The following DNAH10 variants were observed in gnomAD, a reference collection of about 807,000 sequenced individuals.
DNAH10 encodes the protein dynein axonemal heavy chain 10.
In DNAH10, 348 loss-of-function variants were observed where a neutral mutation model predicts 506.6. That is an observed-to-expected ratio of 0.69 (90% CI 0.63 to 0.75). DNAH10 has a LOEUF of 0.75. Ranked by LOEUF, DNAH10 falls within the 30% of genes least tolerant of loss-of-function variation. The pLI is 0.00. For synonymous variants in DNAH10, 2,059 were observed against 2,198.6 expected (o/e 0.94, Z 1.78); for missense variants, 5,179 against 5,787.1 (o/e 0.89, Z 3.41).
In DNAH10 at chr12:123,876,719, C is replaced by T. The variant is rs1952270549; in HGVS notation, c.8200-1017C>T. On this transcript the variant is annotated intron_variant, in intron 47 of 78. Transcript: ENST00000673944. ...GGCTCACACCTGTATCCCAGCACTT[C>T]GGGAGGCTGAGGAGAGCGGATCACT... Among the ~76,000 whole-genome samples, 4 of 152,126 alleles carry T rather than the reference C, an allele frequency of 2.6e-5. No individual in the cohort carries two copies. In the South Asian group the frequency reaches 6.2e-4, roughly 24 times the overall value.
chr12:123,862,374 C>G (rs1459604916), intron 39 of DNAH10, among the ~76,000 whole-genome samples: 1 of 151,758 alleles, frequency 6.6e-6, no homozygotes, highest in Non-Finnish European at 1.5e-5. Context: ...CCTCCTCTTC[C>G]TCTTCTTGTT....
chr12:123,781,838 T>A (rs927038806), intron 6 of DNAH10, among the ~76,000 whole-genome samples: 1 of 152,158 alleles, frequency 6.6e-6, no homozygotes, highest in African/African-American at 2.4e-5. Context: ...AGAAACTGAA[T>A]GTTCTTCTAA....
In DNAH10 at chr12:123,840,394, GTTTTTTTTTTTT is replaced by G. The variant is rs71088961; in HGVS notation, c.5137-911_5137-900del. Reference sequence around the variant, plus strand: ...AGGCTTCTTCAGTATTCTGTTTCCAGTTTTTTTTTTTTTTTTTTTTTTTTTTTTCAGACAGGG... The same window carrying G: ...AGGCTTCTTCAGTATTCTGTTTCCAGTTTTTTTTTTTTTTTTCAGACAGGG... On this transcript the variant is annotated intron_variant, in intron 29 of 78. Coordinates refer to ENST00000673944, the MANE Select transcript of DNAH10 (RefSeq NM_001372106.1). 3.1e-3 allele frequency among the ~76,000 whole-genome samples: 118 copies of G among 37,792 alleles called. 1 individual carries two copies. In the East Asian group the frequency reaches 0.062, roughly 20 times the overall value. 24.8% of individuals were successfully genotyped at this position (37,792 alleles called of 152,430 possible).
intron 5 of DNAH10, among the ~76,000 whole-genome samples, chr12:123,778,158 A>C (rs1957511159): frequency 6.6e-6 from 1 of 151,956 alleles, no homozygotes; most frequent in Non-Finnish European, 1.5e-5. Flanking sequence ...CATGGTGGTC[A>C]TGCCACTGTA....
rs547817175 is a variant in DNAH10, at chr12:123,909,090, C to T, written c.9816-171C>T. ...GGGGACCCGGCCCTGCCCTTAGGGACGCTCCCGCCCAGGAGTGCGGTTTGT... is the reference window on the plus strand; with the variant it reads ...GGGGACCCGGCCCTGCCCTTAGGGATGCTCCCGCCCAGGAGTGCGGTTTGT... On this transcript the variant is annotated intron_variant, in intron 57 of 78. Transcript: ENST00000673944. The surrounding 1 kb of genome is among the most constrained non-coding windows in gnomAD (Gnocchi z 5.4). Among the ~76,000 whole-genome samples the T allele has an allele frequency of 2.0e-5, 3 of 152,262 alleles. No individual in the cohort carries two copies. Among genetic ancestry groups the T allele is most frequent in the South Asian group, 2.1e-4 (1 of 4,826 alleles).
Position 123,826,838 on chromosome 12 carries a change from A to G in DNAH10, c.4331A>G (p.Lys1444Arg). The G allele has an allele frequency of 6.2e-7, 1 of 1,614,030 alleles. No individual in the cohort carries two copies. The highest frequency in any genetic ancestry group is 8.5e-7 in the Non-Finnish European group (1 of 1,179,898). The change falls in exon 25 of 79, where the codon AAG (lysine) becomes AGG (arginine). Residue 1444 changes from lysine (K) to arginine (R), a missense_variant. Physicochemically the swap from Lys to Arg is conservative, Grantham distance 26. This residue lies in a region of DNAH10 where 4,844 missense variants were observed against 5,430.5 expected (regional missense o/e 0.89). Transcript: ENST00000673944. ...SVTYYLEAKM[K>R]AFKDSIPLLL... Reference sequence around the variant, plus strand: ...ACCTACTACTTGGAAGCAAAAATGAAGGCATTCAAAGACTCGATTCCTTTA... The same window carrying G: ...ACCTACTACTTGGAAGCAAAAATGAGGGCATTCAAAGACTCGATTCCTTTA...
At position 123,875,487 on chromosome 12, in the gene DNAH10, C is replaced by T; in HGVS notation, c.8195C>T (p.Thr2732Ile). Residue 2732 changes from threonine to isoleucine, a missense_variant, in exon 47 of 79, where the codon ACC (threonine) becomes ATC (isoleucine). Thr to Ile is a moderately conservative substitution (Grantham distance 89). Transcript: ENST00000673944. ...LIYSSILKGHTSTFHESIVAV... is the reference protein window; with the variant it reads ...LIYSSILKGHISTFHESIVAV... ...TATTCCTCCATCCTGAAAGGCCACA[C>T]CTCGGTAACTTGATTTTAACTAGAA... The T allele has an allele frequency of 9.9e-6, 16 of 1,613,370 alleles. No homozygotes were observed. The highest frequency in any genetic ancestry group is 1.4e-5 in the Non-Finnish European group (16 of 1,179,352).
At chr12:123,803,952 C>A in intron 17 of DNAH10, 127 bp downstream of exon 17, 1 of 876,144 alleles carries the variant, frequency 1.1e-6, no homozygotes, top group South Asian at 2.1e-5. Context: ...TGGCATCAAA[C>A]CATTTCTAAT....
rs1957839942 is a variant in DNAH10 at position 123,786,072 on chromosome 12, CT to C, written c.1421+137del. 4 of 1,076,894 alleles carry C rather than the reference CT, an allele frequency of 3.7e-6. No individual in the cohort carries two copies. In the Admixed American group the frequency reaches 1.1e-4, roughly 29 times the overall value. 66.7% of individuals were successfully genotyped at this position (1,076,894 alleles called of 1,614,324 possible). On this transcript the variant is annotated intron_variant, in intron 9 of 78. Transcript: ENST00000673944. ...ATGTACAATTCACTGGCTCTTATGG[CT>C]GGGCACAGTGGTGCACACCTGTAAT...
chr12:123,848,642 C>CT, intron 33 of DNAH10, 88 bp from the exon 34 acceptor site: 1 of 1,522,350 alleles, frequency 6.6e-7, no homozygotes, highest in Non-Finnish European at 8.9e-7. Flanking sequence ...TCATTGTTTG[C>CT]TTTAATTTAG....
At chr12:123,784,968 T>C (rs1565899598) in intron 8 of DNAH10, among the ~76,000 whole-genome samples, 1 of 152,240 alleles carries the variant, frequency 6.6e-6, no homozygotes, top group Non-Finnish European at 1.5e-5. Context: ...AGACTACATT[T>C]GGTTTCTCTA....
chr12:123,914,165 G>A (rs1053470375), intron 60 of DNAH10, among the ~76,000 whole-genome samples, 164 bp from the exon 61 acceptor site: 121 of 152,370 alleles, frequency 7.9e-4, no homozygotes, highest in Middle Eastern at 3.4e-3. Flanking sequence ...GAAGTTGCAA[G>A]ATAAGCTGTT....
chr12:123,834,374 GT>G (rs1960912690), intron 27 of DNAH10, among the ~76,000 whole-genome samples: 2 of 151,872 alleles, frequency 1.3e-5, no homozygotes, highest in Non-Finnish European at 2.9e-5. Flanking sequence ...TGCCTGGCTA[GT>G]TTTTGTATTT....
At chr12:123,896,406 T>C (rs1162436896) in intron 54 of DNAH10, among the ~76,000 whole-genome samples, 1 of 152,170 alleles carries the variant, frequency 6.6e-6, no homozygotes, top group Non-Finnish European at 1.5e-5. Context: ...TGCTTTGAGC[T>C]GAATGCATTT....
intron 9 of DNAH10, among the ~76,000 whole-genome samples, chr12:123,786,646 G>GATATATTTTGTTTCAGATAC (rs1957863451): frequency 4.0e-4 from 1 of 2,506 alleles, no homozygotes; most frequent in African/African-American, 1.6e-3. Flanking sequence ...ATTGTATGGA[G>GATATATTTTGTTTCAGATAC]ATATATTTTG....
chr12:123,882,909 C>CAACT (rs1952572520), intron 51 of DNAH10, among the ~76,000 whole-genome samples: 1 of 151,926 alleles, frequency 6.6e-6, no homozygotes, highest in Non-Finnish European at 1.5e-5. Flanking sequence ...AAGCCCTGAG[C>CAACT]AACTAACGGA....
intron 41 of DNAH10, among the ~76,000 whole-genome samples, chr12:123,866,700 AACTCTGCT>A (rs1437324313): frequency 3.3e-5 from 5 of 152,226 alleles, no homozygotes; most frequent in Non-Finnish European, 7.3e-5. Context: ...ACAGCTACTC[AACTCTGCT>A]GTTGTGGCAT....
intron 21 of DNAH10, among the ~76,000 whole-genome samples, chr12:123,816,133 A>G (rs1480784192): frequency 2.6e-5 from 4 of 152,130 alleles, no homozygotes; most frequent in African/African-American, 7.2e-5. Flanking sequence ...TTTTGTTACA[A>G]TATTGTTCTT....
intron 15 of DNAH10, among the ~76,000 whole-genome samples, 185 bp downstream of exon 15, chr12:123,800,573 C>A (rs541511596): frequency 6.6e-6 from 1 of 151,828 alleles, no homozygotes; most frequent in African/African-American, 2.4e-5. Context: ...GTAGTCTCAG[C>A]TACTTGGGAG....
Sources: gnomAD v4.1 joint callset for allele counts (sites outside exome capture counted in the v4.1 genomes callset) on GRCh38, gnomAD v4.1.1 for gene constraint, gnomAD v4.1.1 regional missense constraint, Gnocchi (gnomAD v3.1) non-coding constraint, MANE v1.5 for transcripts, NCBI Gene and HGNC (gene_info 2026-07-23, HGNC 2026-07-21) for gene names.